The following DYRK1A variants were observed in gnomAD, a reference collection of about 807,000 sequenced individuals.
The protein encoded by DYRK1A is dual specificity tyrosine phosphorylation regulated kinase 1A, also known as dual specificity tyrosine-phosphorylation-regulated kinase 1A.
Under a neutral mutation model 79.7 loss-of-function variants are expected in DYRK1A, and 9 were observed. The observed-to-expected ratio is 0.11, with a 90% CI of 0.07 to 0.20. DYRK1A has a LOEUF of 0.20. Ranked by LOEUF, DYRK1A falls within the 10% of genes least tolerant of loss-of-function variation. The pLI is 1.00. For missense variants in DYRK1A, 622 were observed against 956.0 expected (o/e 0.65, Z 4.61); for synonymous variants, 349 against 329.7 (o/e 1.06, Z -0.63).
chr21:37,506,350 G>A (rs1220217200), intron 11 of DYRK1A, 127 bp downstream of exon 11: 4 of 1,573,598 alleles, frequency 2.5e-6, no homozygotes, highest in Admixed American at 3.7e-5. Flanking sequence ...CCTGTCTAAG[G>A]AAATGTAAGT....
chr21:37,375,989 C>T (rs569679615), intron 1 of DYRK1A, among the ~76,000 whole-genome samples: 4 of 151,848 alleles, frequency 2.6e-5, no homozygotes, highest in Non-Finnish European at 5.9e-5. Context: ...AACCTGAAAC[C>T]GCAGGCCCCA....
At chr21:37,412,885 T>A (rs1327368908) in intron 1 of DYRK1A, among the ~76,000 whole-genome samples, 1 of 151,960 alleles carries the variant, frequency 6.6e-6, no homozygotes, top group Non-Finnish European at 1.5e-5. Context: ...AGATATTGAG[T>A]GAAAAGTTTG....
intron 2 of DYRK1A, among the ~76,000 whole-genome samples, chr21:37,430,636 A>G (rs993587991): frequency 6.6e-6 from 1 of 152,118 alleles, no homozygotes; most frequent in African/African-American, 2.4e-5. Flanking sequence ...GCTTCAGTTT[A>G]TTTAGCGAGT....
rs1003181640 is a variant in DYRK1A, at chr21:37,519,318, T to A, written c.*6787T>A. 6.6e-6 allele frequency: 1 copy of A among 152,234 alleles called. No individual in the cohort carries two copies. Among genetic ancestry groups the A allele is most frequent in the Admixed American group, 6.5e-5 (1 of 15,282 alleles). 9.4% of individuals were successfully genotyped at this position (152,234 alleles called of 1,614,324 possible). A position where few individuals can be genotyped will look rare whatever the true frequency, so the allele number is the denominator to read the frequency against. ...CCCAAAGAGGTTCAGATCCCACTGC[T>A]CCTCTCATTGGCTTCGTGACCCTGG... is the stretch of plus-strand genomic sequence containing the variant. On this transcript the variant is annotated 3_prime_UTR_variant, in exon 12 of 12. Coordinates refer to ENST00000647188, the MANE Select transcript of DYRK1A (RefSeq NM_001347721.2).
At chr21:37,479,589 G>GTTTTT (rs1569361929) in intron 4 of DYRK1A, among the ~76,000 whole-genome samples, 8 of 74,392 alleles carry the variant, frequency 1.1e-4, no homozygotes, top group African/African-American at 3.9e-4. Context: ...CAGTGTTGGT[G>GTTTTT]TTTTGTTTTT....
At chr21:37,503,143 T>G (rs1206478296) in intron 9 of DYRK1A, 1 of 152,222 alleles carries the variant, frequency 6.6e-6, no homozygotes, top group Non-Finnish European at 1.5e-5. Flanking sequence ...CTGAGTTTCT[T>G]GGATCTGTGG....
At chr21:37,380,289 C>T (rs755574834) in intron 1 of DYRK1A, among the ~76,000 whole-genome samples, 4 of 151,966 alleles carry the variant, frequency 2.6e-5, no homozygotes, top group East Asian at 1.9e-4. Context: ...ATCAAATGTT[C>T]GTTATTGAGA....
At chr21:37,486,221 A>T in intron 5 of DYRK1A, 1 of 264,070 alleles carries the variant, frequency 3.8e-6, no homozygotes. Context: ...TTTTGTGGAT[A>T]TTTAGAAATA....
At chr21:37,418,662 A>G (rs574003752) in intron 1 of DYRK1A, among the ~76,000 whole-genome samples, 2 of 152,330 alleles carry the variant, frequency 1.3e-5, no homozygotes, top group East Asian at 3.9e-4. Context: ...GGGAAAAATT[A>G]TTAGAAAATG....
At chr21:37,395,985 A>T (rs369132941) in intron 1 of DYRK1A, among the ~76,000 whole-genome samples, 2 of 152,200 alleles carry the variant, frequency 1.3e-5, no homozygotes, top group East Asian at 3.8e-4. Flanking sequence ...AAAACATAGG[A>T]GATGTTCTCT....
chr21:37,458,757 C>G (rs775053692), intron 2 of DYRK1A, among the ~76,000 whole-genome samples: 1 of 152,136 alleles, frequency 6.6e-6, no homozygotes, highest in Non-Finnish European at 1.5e-5. Flanking sequence ...CTTTGCACGC[C>G]GCAGAGGAAT....
intron 1 of DYRK1A, among the ~76,000 whole-genome samples, chr21:37,408,410 C>G (rs942158535): frequency 1.3e-5 from 2 of 152,182 alleles, no homozygotes; most frequent in Non-Finnish European, 2.9e-5. Flanking sequence ...TTCAGCAGTA[C>G]TCAGTGTTTT....
intron 2 of DYRK1A, chr21:37,456,311 G>A (rs1383852417): frequency 1.3e-5 from 2 of 152,486 alleles, no homozygotes; most frequent in African/African-American, 2.4e-5. Flanking sequence ...AGGTGGAGGT[G>A]GGTGCCTGAT....
At chr21:37,445,996 A>G (rs1212183418) in intron 2 of DYRK1A, among the ~76,000 whole-genome samples, 1 of 152,198 alleles carries the variant, frequency 6.6e-6, no homozygotes, top group Non-Finnish European at 1.5e-5. Flanking sequence ...AAAAAACAAC[A>G]TTCTTACTGT....
chr21:37,472,585 A>G, intron 2 of DYRK1A, 99 bp from the exon 3 acceptor site: 1 of 1,048,248 alleles, frequency 9.5e-7, no homozygotes, highest in South Asian at 2.4e-5. Context: ...TTAATATTGA[A>G]TATCCTAAAG....
intron 5 of DYRK1A, among the ~76,000 whole-genome samples, chr21:37,481,890 C>G (rs2052655478): frequency 6.6e-6 from 1 of 152,012 alleles, no homozygotes; most frequent in Admixed American, 6.6e-5. Context: ...TGTGGTCCCC[C>G]AGCTGTTCCC....
At chr21:37,460,212 A>G (rs1339133649) in intron 2 of DYRK1A, among the ~76,000 whole-genome samples, 1 of 151,856 alleles carries the variant, frequency 6.6e-6, no homozygotes, top group Non-Finnish European at 1.5e-5. Context: ...GGCAGATTGT[A>G]TGTTTTATTT....
chr21:37,482,280 G>A (rs927796718), intron 5 of DYRK1A, among the ~76,000 whole-genome samples: 3 of 152,136 alleles, frequency 2.0e-5, no homozygotes, highest in Non-Finnish European at 4.4e-5. Context: ...AATATTTCAT[G>A]TAGGTTCTTT....
chr21:37,442,525 C>T (rs531541920), intron 2 of DYRK1A, among the ~76,000 whole-genome samples: 1 of 152,128 alleles, frequency 6.6e-6, no homozygotes, highest in African/African-American at 2.4e-5. Flanking sequence ...ATTAGTTTTA[C>T]CCTTTGTGTT....
Sources: allele counts gnomAD v4.1 joint callset (sites outside exome capture counted in the v4.1 genomes callset), GRCh38; gene constraint gnomAD v4.1.1; transcripts MANE v1.5; gene names NCBI Gene and HGNC (gene_info 2026-07-23, HGNC 2026-07-21).